Variants in NCBP1 observed in about 807,000 individuals in gnomAD.
The protein encoded by NCBP1 is nuclear cap binding protein subunit 1, also known as nuclear cap-binding protein subunit 1.
In NCBP1, 16 loss-of-function variants were observed where a neutral mutation model predicts 111.7. The observed-to-expected ratio is 0.14, with a 90% CI of 0.10 to 0.22. The LOEUF (loss-of-function observed/expected upper bound fraction) is 0.22. Ranked by LOEUF, NCBP1 falls within the 10% of genes least tolerant of loss-of-function variation. NCBP1 has a pLI of 1.00. For missense variants in NCBP1, 607 were observed against 957.5 expected (o/e 0.63, Z 4.83); for synonymous variants, 304 against 314.3 (o/e 0.97, Z 0.35).
Position 97,666,806 on chromosome 9 carries a change from A to C in NCBP1, c.1945A>C (p.Asn649His). ...TTTGCACTCTACAATTCGTAAGATG[A>C]ACAAACATGTCCTGAAGATCCAGAA... Reference protein sequence around the residue: ...EILHSTIRKMNKHVLKIQKEL... With the variant: ...EILHSTIRKMHKHVLKIQKEL... Residue 649 changes from asparagine (N) to histidine (H), a missense_variant, in exon 20 of 23, where the codon AAC becomes CAC. Physicochemically the swap from Asn to His is moderately conservative, Grantham distance 68. Transcript: ENST00000375147. 1 of 1,610,148 alleles carries C rather than the reference A, an allele frequency of 6.2e-7. No individual in the cohort carries two copies. The highest frequency in any genetic ancestry group is 1.3e-5 in the African/African-American group (1 of 74,872).
At chr9:97,635,168 A>G (rs1036597252) in intron 1 of NCBP1, among the ~76,000 whole-genome samples, 2 of 152,190 alleles carry the variant, frequency 1.3e-5, no homozygotes, top group Non-Finnish European at 2.9e-5. Context: ...CCAGATTTCT[A>G]CGAAGGAATG....
At chr9:97,644,647 G>GAAAATTACAGCCAAACAGA (rs2131337523) in intron 4 of NCBP1, among the ~76,000 whole-genome samples, 1 of 152,298 alleles carries the variant, frequency 6.6e-6, no homozygotes, top group African/African-American at 2.4e-5. Flanking sequence ...GTAATTCAGT[G>GAAAATTACAGCCAAACAGA]AAAATTACAG....
chr9:97,669,456 G>C, intron 21 of NCBP1, 137 bp from the exon 22 acceptor site: 1 of 626,938 alleles, frequency 1.6e-6, no homozygotes, highest in East Asian at 2.7e-5. Flanking sequence ...TTGACTTCAT[G>C]AATAATGGAA....
At chr9:97,638,194 C>G (rs1268445952) in intron 1 of NCBP1, among the ~76,000 whole-genome samples, 1 of 152,124 alleles carries the variant, frequency 6.6e-6, no homozygotes, top group African/African-American at 2.4e-5. Flanking sequence ...TGTCTGTAGT[C>G]TTCACCCCTT....
intron 19 of NCBP1, among the ~76,000 whole-genome samples, chr9:97,666,095 A>G (rs1344917954): frequency 6.6e-6 from 1 of 152,218 alleles, no homozygotes; most frequent in East Asian, 1.9e-4. Flanking sequence ...CAACTGTACT[A>G]TTCTGTGCTG....
chr9:97,637,877 A>C (rs772222491), intron 1 of NCBP1, among the ~76,000 whole-genome samples: 6 of 152,206 alleles, frequency 3.9e-5, no homozygotes, highest in Admixed American at 2.0e-4. Flanking sequence ...TGACTTATAG[A>C]GGGGAAATTT....
Position 97,641,646 on chromosome 9 carries a change from A to G in NCBP1, c.208A>G (p.Arg70Gly). Residue 70 changes from arginine to glycine, a missense_variant, in exon 3 of 23, where the codon AGG becomes GGG. Physicochemically the swap from Arg to Gly is moderately radical, Grantham distance 125. Coordinates refer to ENST00000375147, the MANE Select transcript of NCBP1 (RefSeq NM_002486.5). The part of the protein sequence containing the change: ...DLPNYKSKIL[R>G]LLCTVARLLP... ...TCCTAACTACAAGAGCAAGATCTTAAGGCTTCTTTGTACAGTGTATGTATG... is the reference window on the plus strand; with the variant it reads ...TCCTAACTACAAGAGCAAGATCTTAGGGCTTCTTTGTACAGTGTATGTATG... The G allele has an allele frequency of 6.2e-7, 1 of 1,607,466 alleles. No individual in the cohort carries two copies. The highest frequency in any genetic ancestry group is 1.1e-5 in the South Asian group (1 of 90,878).
Position 97,664,342 on chromosome 9 carries a change from G to A in NCBP1, c.1800G>A (p.Met600Ile). 6.3e-7 allele frequency: 1 copy of A among 1,595,152 alleles called. No individual in the cohort carries two copies. The highest frequency in any genetic ancestry group is 8.6e-7 in the Non-Finnish European group (1 of 1,163,606). Residue 600 changes from methionine to isoleucine, a missense_variant and splice_region_variant, in exon 19 of 23, where the codon ATG becomes ATA. By Grantham distance (10) the Met-to-Ile change is conservative. Around this residue, in one of 9 missense-constraint regions of NCBP1, gnomAD observed 282 missense variants for 376.5 expected, o/e 0.75. Transcript: ENST00000375147. ...MFEVWRNHPQ[M>I]IAVLVDKMIR... ...CTTGAATAATTCTCTCATTGTAGAT[G>A]ATTGCTGTACTAGTGGATAAGATGA...
chr9:97,645,539 T>C, intron 5 of NCBP1, 72 bp from the exon 6 acceptor site: 1 of 1,475,946 alleles, frequency 6.8e-7, no homozygotes, highest in Non-Finnish European at 9.3e-7. Flanking sequence ...AGGATTTCAT[T>C]CAAGAATAAA....
Position 97,648,239 on chromosome 9 carries a change from A to G in NCBP1, c.897+16A>G, listed in dbSNP as rs1437468500. 1 of 1,609,428 alleles carries G rather than the reference A, an allele frequency of 6.2e-7. No individual in the cohort carries two copies. ...TGATCCCGAGGTAAGTGACCGACTA[A>G]AAGTCCTAGATATTGACCTGTGTTG... On this transcript the variant is annotated intron_variant, in intron 8 of 22. Transcript: ENST00000375147.
At chr9:97,657,927 T>C in intron 14 of NCBP1, among the ~76,000 whole-genome samples, 1 of 93,148 alleles carries the variant, frequency 1.1e-5, no homozygotes, top group South Asian at 3.5e-4. Context: ...TATATATATA[T>C]TTTTTTTTTT....
chr9:97,641,787 T>A, intron 3 of NCBP1, 125 bp downstream of exon 3: 1 of 1,085,808 alleles, frequency 9.2e-7, no homozygotes, highest in Non-Finnish European at 1.2e-6. Context: ...ATGGGGAAAT[T>A]TGTACAAATG....
intron 10 of NCBP1, among the ~76,000 whole-genome samples, chr9:97,652,295 C>T (rs1827519350): frequency 6.6e-6 from 1 of 152,210 alleles, no homozygotes; most frequent in African/African-American, 2.4e-5. Context: ...AGCCACTGTG[C>T]CCAGCCCACT....
intron 7 of NCBP1, 98 bp from the exon 8 acceptor site, chr9:97,647,910 T>C (rs1827391560): frequency 1.9e-6 from 2 of 1,053,956 alleles, no homozygotes; most frequent in Non-Finnish European, 2.7e-6. Flanking sequence ...ACAAGTTAGC[T>C]TACTTTTGTA....
chr9:97,643,118 T>C (rs1426881771), intron 3 of NCBP1, 86 bp from the exon 4 acceptor site: 1 of 1,345,956 alleles, frequency 7.4e-7, no homozygotes, highest in African/African-American at 1.5e-5. Flanking sequence ...CCAAAGTTAA[T>C]GGAATGATAA....
Position 97,640,894 on chromosome 9 carries a change from A to G in NCBP1, c.123+12A>G. The G allele has an allele frequency of 1.3e-6, 2 of 1,561,626 alleles. No homozygotes were observed. The highest frequency in any genetic ancestry group is 1.8e-6 in the Non-Finnish European group (2 of 1,138,572). ...AAGTAGGAGAAAAGGTATGTCACACAATAGGCACAGGCTGTGATGGGTTTA... is the reference window on the plus strand; with the variant it reads ...AAGTAGGAGAAAAGGTATGTCACACGATAGGCACAGGCTGTGATGGGTTTA... On this transcript the variant is annotated intron_variant, in intron 2 of 22. Coordinates refer to ENST00000375147, the MANE Select transcript of NCBP1 (RefSeq NM_002486.5).
chr9:97,650,616 T>C lies in NCBP1; in HGVS notation c.995+16T>C, dbSNP rs775450376. On this transcript the variant is annotated intron_variant, in intron 9 of 22. Transcript: ENST00000375147. ...GGAAGACTTGGTAAGATTCTTTTCA[T>C]GGTACTTTTAGAAGGGAGAGAAGCA... is the stretch of plus-strand genomic sequence containing the variant. The C allele has an allele frequency of 6.2e-7, 1 of 1,603,746 alleles. No homozygotes were observed. The highest frequency in any genetic ancestry group is 8.5e-7 in the Non-Finnish European group (1 of 1,171,904).
intron 8 of NCBP1, among the ~76,000 whole-genome samples, chr9:97,648,878 T>A (rs1324032724): frequency 6.6e-6 from 1 of 152,128 alleles, no homozygotes; most frequent in East Asian, 1.9e-4. Flanking sequence ...CCTGGCAAAT[T>A]TTTTGTAGAG....
At chr9:97,662,168 C>G (rs775644636) in intron 17 of NCBP1, 24 bp downstream of exon 17, 1 of 1,570,888 alleles carries the variant, frequency 6.4e-7, no homozygotes. Context: ...CAGAGCCTTG[C>G]TTGAGAGTTT....
Sources: allele counts gnomAD v4.1 joint callset (sites outside exome capture counted in the v4.1 genomes callset), GRCh38; gene constraint gnomAD v4.1.1; regional missense constraint gnomAD v4.1.1; transcripts MANE v1.5; gene names NCBI Gene and HGNC (gene_info 2026-07-23, HGNC 2026-07-21).